The following PRKCH variants were observed in gnomAD, a reference collection of about 807,000 sequenced individuals.
The protein encoded by PRKCH is protein kinase C eta type.
A neutral mutation model predicts 82.5 loss-of-function variants in PRKCH; 28 were observed. The ratio of observed to expected loss-of-function variants is 0.34; its 90% CI spans 0.25 to 0.47. The LOEUF is 0.47. Among genes scored for constraint, PRKCH ranks in the 20% least tolerant of loss-of-function variants. The pLI is 1.00. For missense variants in PRKCH, 705 were observed against 881.8 expected (o/e 0.80, Z 2.54); for synonymous variants, 322 against 327.4 (o/e 0.98, Z 0.18).
At chr14:61,361,443 G>A (rs1324086033) in intron 1 of PRKCH, among the ~76,000 whole-genome samples, 4 of 152,202 alleles carry the variant, frequency 2.6e-5, no homozygotes, top group Non-Finnish European at 5.9e-5. Flanking sequence ...TTTTGCTAGT[G>A]AAACCTTTTA....
chr14:61,549,666 TC>T lies in PRKCH; in HGVS notation c.1906-16del. The T allele has an allele frequency of 6.2e-7, 1 of 1,607,398 alleles. No homozygotes were observed. The highest frequency in any genetic ancestry group is 8.5e-7 in the Non-Finnish European group (1 of 1,179,106). Reference sequence around the variant, plus strand: ...CAAGCGCAAAAATCTCACCCTTGTTTCCCTTTTTTTTTTGGCAGAAATCCCG... The same window carrying T: ...CAAGCGCAAAAATCTCACCCTTGTTTCCTTTTTTTTTTGGCAGAAATCCCG... On this transcript the variant is annotated intron_variant, in intron 13 of 13. Transcript: ENST00000332981.
intron 12 of PRKCH, among the ~76,000 whole-genome samples, chr14:61,531,618 A>G (rs1365232728): frequency 2.0e-5 from 3 of 152,180 alleles, no homozygotes; most frequent in Non-Finnish European, 2.9e-5. Flanking sequence ...CTACATCGCT[A>G]AAAGAGAAAT....
chr14:61,512,673 C>T (rs1420587434), intron 10 of PRKCH, among the ~76,000 whole-genome samples: 1 of 152,062 alleles, frequency 6.6e-6, no homozygotes, highest in Non-Finnish European at 1.5e-5. Context: ...CCTTTTCTTC[C>T]TGGCTGACCT....
chr14:61,220,245 C>T lies in PRKCH; in HGVS notation c.-19+32577C>T, dbSNP rs77574419. On this transcript the variant is annotated intron_variant, in intron 1 of 3. Transcript: ENST00000555185. The stretch of plus-strand genomic sequence containing the variant: ...GATCGCCTTCATCCAAGGACATCTC[C>T]TCTGTCAGGGAGCACAGTCTTCCTA... Among the ~76,000 whole-genome samples, 491 of 152,326 alleles carry T rather than the reference C, an allele frequency of 3.2e-3. 8 individuals carry two copies. Among genetic ancestry groups the T allele is most frequent in the African/African-American group, 0.011 (478 of 41,580 alleles).
chr14:61,269,568 A>G (rs1028527841), intron 1 of PRKCH, among the ~76,000 whole-genome samples: 4 of 152,096 alleles, frequency 2.6e-5, no homozygotes, highest in African/African-American at 7.2e-5. Context: ...CTATGCGTCC[A>G]TGTGTTCTCA....
chr14:61,529,252 T>C, intron 11 of PRKCH, 39 bp downstream of exon 11: 1 of 1,575,050 alleles, frequency 6.3e-7, no homozygotes, highest in Non-Finnish European at 8.6e-7. Flanking sequence ...AAATCTGAGC[T>C]CTCCAGTAAC....
chr14:61,208,332 G>A (rs1037334620), intron 1 of PRKCH, among the ~76,000 whole-genome samples: 1 of 152,054 alleles, frequency 6.6e-6, no homozygotes, highest in South Asian at 2.1e-4. Flanking sequence ...ACTGGGGAAA[G>A]TACTATAAGG....
At chr14:61,210,093 AAAACAAAC>A (rs1237992433) in intron 1 of PRKCH, among the ~76,000 whole-genome samples, 4 of 132,452 alleles carry the variant, frequency 3.0e-5, no homozygotes, top group Non-Finnish European at 3.2e-5. Flanking sequence ...AACAAAAAAC[AAAACAAAC>A]AAACAAACAA....
chr14:61,549,654 C>T, intron 13 of PRKCH, 31 bp from the exon 14 acceptor site: 1 of 1,605,760 alleles, frequency 6.2e-7, no homozygotes, highest in Non-Finnish European at 8.5e-7. Context: ...GCGCAAAAAT[C>T]TCACCCTTGT....
chr14:61,498,644 G>A (rs961357820), intron 10 of PRKCH, among the ~76,000 whole-genome samples: 24 of 152,140 alleles, frequency 1.6e-4, no homozygotes, highest in African/African-American at 5.6e-4. Context: ...GCTTTAAGGT[G>A]GCTGCCATCT....
chr14:61,283,315 A>G (rs2045287865), intron 1 of PRKCH, among the ~76,000 whole-genome samples: 1 of 152,192 alleles, frequency 6.6e-6, no homozygotes, highest in African/African-American at 2.4e-5. Flanking sequence ...TCCACTAATT[A>G]AGGTGACAGA....
At chr14:61,253,262 C>T (rs1027190372) in intron 1 of PRKCH, among the ~76,000 whole-genome samples, 1 of 152,210 alleles carries the variant, frequency 6.6e-6, no homozygotes, top group African/African-American at 2.4e-5. Context: ...TGCCTAATAG[C>T]TGGACTGTTT....
chr14:61,341,389 A>T (rs1230120614), intron 1 of PRKCH, among the ~76,000 whole-genome samples: 1 of 152,250 alleles, frequency 6.6e-6, no homozygotes, highest in African/African-American at 2.4e-5. Context: ...TGAATAAGTT[A>T]CATAGAAAAA....
rs181785836 is a variant in PRKCH at position 61,391,197 on chromosome 14, T to C, written c.364-28T>C. ...ACAAAAATATTTTAAAACTAACATATAATATACATTTTTTTTTCTCTTTGT... is the reference window on the plus strand; with the variant it reads ...ACAAAAATATTTTAAAACTAACATACAATATACATTTTTTTTTCTCTTTGT... On this transcript the variant is annotated intron_variant, in intron 1 of 13. Transcript: ENST00000332981. The C allele has an allele frequency of 4.8e-4, 763 of 1,581,628 alleles. 5 individuals carry two copies. Among genetic ancestry groups the C allele is most frequent in the Admixed American group, 2.1e-3 (123 of 58,798 alleles).
chr14:61,522,386 G>A (rs1347993494), intron 10 of PRKCH, among the ~76,000 whole-genome samples: 1 of 152,086 alleles, frequency 6.6e-6, no homozygotes, highest in Non-Finnish European at 1.5e-5. Context: ...TTGGGCTAAA[G>A]ACTGAAATCC....
At chr14:61,512,433 T>C (rs1445622736) in intron 10 of PRKCH, among the ~76,000 whole-genome samples, 2 of 152,082 alleles carry the variant, frequency 1.3e-5, no homozygotes, top group African/African-American at 4.8e-5. Context: ...AGCCGATTCC[T>C]AGTAAAAAAT....
At chr14:61,348,572 G>T (rs1413196823) in intron 1 of PRKCH, among the ~76,000 whole-genome samples, 2 of 152,186 alleles carry the variant, frequency 1.3e-5, no homozygotes, top group Non-Finnish European at 2.9e-5. Context: ...TTTATTACTT[G>T]CATTCTTAAT....
chr14:61,474,562 G>A (rs999406253), intron 9 of PRKCH, among the ~76,000 whole-genome samples: 1 of 152,140 alleles, frequency 6.6e-6, no homozygotes, highest in African/African-American at 2.4e-5. Flanking sequence ...GGCAGGGGAT[G>A]GGGGGCTGGG....
chr14:61,321,326 T>C (rs1383549087), upstream of PRKCH, among the ~76,000 whole-genome samples: 1 of 152,146 alleles, frequency 6.6e-6, no homozygotes, highest in African/African-American at 2.4e-5. The surrounding 1 kb of genome is among the most constrained non-coding windows in gnomAD (Gnocchi z 4.1). Flanking sequence ...GCTCCCCAGG[T>C]CAGTCTACCA....
Sources: gnomAD v4.1 joint callset for allele counts (sites outside exome capture counted in the v4.1 genomes callset) on GRCh38, gnomAD v4.1.1 for gene constraint, Gnocchi (gnomAD v3.1) non-coding constraint, MANE v1.5 for transcripts, NCBI Gene and HGNC (gene_info 2026-07-23, HGNC 2026-07-21) for gene names.